SMIM45: variants seen among roughly 807,000 people sequenced by gnomAD.
SMIM45 encodes the protein long intergenic non-protein coding RNA 634.
chr22:41,946,992 C>T, the SMIM45 span: 770 of 1,610,926 alleles, frequency 4.8e-4, 2 homozygotes, highest in African/African-American at 8.8e-3. Flanking sequence ...GAAAAACCGG[C>T]GGGGGAAGCA....
the SMIM45 span, among the ~76,000 whole-genome samples, chr22:41,952,584 G>A: frequency 7.9e-5 from 12 of 152,308 alleles, no homozygotes; most frequent in East Asian, 1.9e-4. Context: ...CCCTGTCACC[G>A]TGCACAGGGG....
At chr22:41,958,376 T>C in the SMIM45 span, 2 of 456,376 alleles carry the variant, frequency 4.4e-6, no homozygotes. Context: ...GGATGTCAGC[T>C]TGGGCCAGAC....
At chr22:41,957,339 A>G in the SMIM45 span, among the ~76,000 whole-genome samples, 1 of 149,002 alleles carries the variant, frequency 6.7e-6, no homozygotes, top group Non-Finnish European at 1.5e-5. Flanking sequence ...GACTACAGGC[A>G]TGCGCCACCA....
chr22:41,950,764 G>A, the SMIM45 span, among the ~76,000 whole-genome samples: 1 of 152,188 alleles, frequency 6.6e-6, no homozygotes, highest in Non-Finnish European at 1.5e-5. Context: ...GGGAGGCCGA[G>A]GTGGGCAGAT....
chr22:41,953,869 G>A, the SMIM45 span, among the ~76,000 whole-genome samples: 1 of 147,308 alleles, frequency 6.8e-6, no homozygotes, highest in East Asian at 2.1e-4. Flanking sequence ...TCCTGCCTCA[G>A]CCTCCCAAGT....
chr22:41,948,328 T>C, the SMIM45 span, among the ~76,000 whole-genome samples: 1 of 152,128 alleles, frequency 6.6e-6, no homozygotes, highest in Non-Finnish European at 1.5e-5. Flanking sequence ...CCAGACCCAA[T>C]GCCCTACCCT....
At chr22:41,957,458 T>A in the SMIM45 span, among the ~76,000 whole-genome samples, 1 of 148,908 alleles carries the variant, frequency 6.7e-6, no homozygotes, top group Non-Finnish European at 1.5e-5. Flanking sequence ...CACTTCGGCC[T>A]CCAAAGTGCT....
chr22:41,954,263 G>C, the SMIM45 span, among the ~76,000 whole-genome samples: 1 of 144,590 alleles, frequency 6.9e-6, no homozygotes, highest in East Asian at 2.1e-4. Context: ...CTGGAGTGCA[G>C]TGGCACCATC....
chr22:41,954,725 G>A, the SMIM45 span, among the ~76,000 whole-genome samples: 1 of 152,264 alleles, frequency 6.6e-6, no homozygotes, highest in South Asian at 2.1e-4. Context: ...GAGTCTGGGT[G>A]GGCCGAGCAC....
chr22:41,955,229 G>A, the SMIM45 span, among the ~76,000 whole-genome samples: 1 of 150,976 alleles, frequency 6.6e-6, no homozygotes, highest in Non-Finnish European at 1.5e-5. Context: ...TGCCCAGGCT[G>A]GAGTGCAGTG....
chr22:41,958,546 G>A, the SMIM45 span: 3 of 362,788 alleles, frequency 8.3e-6, no homozygotes, highest in Admixed American at 7.0e-5. Context: ...GATGAGATGT[G>A]TATATGTGAG....
At chr22:41,955,696 C>T in the SMIM45 span, among the ~76,000 whole-genome samples, 1 of 151,414 alleles carries the variant, frequency 6.6e-6, no homozygotes, top group Non-Finnish European at 1.5e-5. Flanking sequence ...GTCCCAGCTA[C>T]TCAGGAGGCT....
At chr22:41,958,861 T>G in the SMIM45 span, 2 of 160,760 alleles carry the variant, frequency 1.2e-5, no homozygotes, top group South Asian at 3.3e-4. Flanking sequence ...ATTGGCAACC[T>G]GCCTCACCCC....
At chr22:41,954,889 C>T in the SMIM45 span, among the ~76,000 whole-genome samples, 1 of 152,218 alleles carries the variant, frequency 6.6e-6, no homozygotes, top group Non-Finnish European at 1.5e-5. Flanking sequence ...TGCCTGTAAT[C>T]CCAGCTACTC....
At chr22:41,954,276 G>C in the SMIM45 span, among the ~76,000 whole-genome samples, 1 of 142,078 alleles carries the variant, frequency 7.0e-6, no homozygotes, top group African/African-American at 2.7e-5. Flanking sequence ...GCACCATCTC[G>C]GCTCACTGCA....
At chr22:41,949,294 A>C in the SMIM45 span, among the ~76,000 whole-genome samples, 9 of 152,062 alleles carry the variant, frequency 5.9e-5, no homozygotes, top group African/African-American at 2.2e-4. Context: ...GAAGAGATGG[A>C]TGGGAGGAGG....
the SMIM45 span, chr22:41,958,723 C>T: frequency 4.9e-5 from 11 of 223,268 alleles, no homozygotes; most frequent in African/African-American, 9.1e-5. Flanking sequence ...CCCCTGCCCT[C>T]CCTCCCTGTC....
At chr22:41,958,285 C>T in the SMIM45 span, 5 of 456,686 alleles carry the variant, frequency 1.1e-5, no homozygotes, top group South Asian at 7.7e-5. Context: ...GCTCCCCTGC[C>T]TCCACTCAAT....
At chr22:41,946,959 G>A in the SMIM45 span, 1 of 1,555,496 alleles carries the variant, frequency 6.4e-7, no homozygotes, top group Non-Finnish European at 8.9e-7. Flanking sequence ...AGTTGACCTA[G>A]TGGCTGAAGC....
Sources: gnomAD v4.1 joint callset for allele counts (sites outside exome capture counted in the v4.1 genomes callset) on GRCh38, gnomAD v4.1.1 for gene constraint, MANE v1.5 for transcripts, NCBI Gene and HGNC (gene_info 2026-07-23, HGNC 2026-07-21) for gene names.